Variants in TUBGCP5 observed in about 807,000 individuals in gnomAD.
TUBGCP5 encodes gamma-tubulin complex component 5.
Under a neutral mutation model 134.7 loss-of-function variants are expected in TUBGCP5, and 98 were observed. The observed-to-expected ratio is 0.73, with a 90% CI of 0.62 to 0.86. The LOEUF is 0.86. Ranked by LOEUF, TUBGCP5 falls within the 40% of genes least tolerant of loss-of-function variation. The pLI, the probability that TUBGCP5 is intolerant of heterozygous loss-of-function variation, is 0.00. For missense variants in TUBGCP5, 1,150 were observed against 1,244.8 expected, an observed-to-expected ratio of 0.92 and a Z score of 1.15; for synonymous variants, 456 against 431.4, an observed-to-expected ratio of 1.06 and a Z score of -0.71.
rs934212219 is a variant in TUBGCP5 at position 23,033,818 on chromosome 15, G to A, written c.310-994C>T. Among the ~76,000 whole-genome samples the A allele has an allele frequency of 2.0e-5, 3 of 152,036 alleles. No individual in the cohort carries two copies. In the East Asian group the frequency reaches 5.8e-4, roughly 29 times the overall value. ...ATTTATCTTATCTTATGAAATGGTA[G>A]GCACTTTTCCATAAGCTTAAAATTA... is the stretch of plus-strand genomic sequence containing the variant. On this transcript the variant is annotated intron_variant, in intron 3 of 22. Coordinates refer to ENST00000615383, the MANE Select transcript of TUBGCP5 (RefSeq NM_052903.6).
At chr15:22,997,027 G>A (rs2064116799), downstream of TUBGCP5, 2 of 152,044 alleles carry the variant, frequency 1.3e-5, no homozygotes, top group South Asian at 4.1e-4. Flanking sequence ...TCTGAACATA[G>A]TTACTTCTGG....
intron 13 of TUBGCP5, among the ~76,000 whole-genome samples, chr15:23,011,632 G>A (rs1207698769): frequency 6.7e-6 from 1 of 149,238 alleles, no homozygotes; most frequent in Admixed American, 6.7e-5. Flanking sequence ...AGCCTCCCAA[G>A]TAGCTGGGAT....
chr15:23,037,397 C>T (rs933017990), intron 1 of TUBGCP5, among the ~76,000 whole-genome samples: 2 of 152,168 alleles, frequency 1.3e-5, no homozygotes, highest in African/African-American at 4.8e-5. Context: ...CCTCTGGCTC[C>T]TCTGTCTTCC....
chr15:23,031,110 G>A, intron 5 of TUBGCP5, 90 bp from the exon 6 acceptor site: 4 of 1,339,364 alleles, frequency 3.0e-6, no homozygotes, highest in Non-Finnish European at 3.0e-6. Context: ...TTGAAGAAAA[G>A]CAAAAACTTT....
chr15:23,038,902 T>C lies in TUBGCP5; in HGVS notation c.146+496A>G, dbSNP rs138919037. 8.9e-3 allele frequency among the ~76,000 whole-genome samples: 1,351 copies of C among 151,938 alleles called. 13 individuals carry two copies. Among genetic ancestry groups the C allele is most frequent in the Middle Eastern group, 0.02 (6 of 294 alleles). The stretch of plus-strand genomic sequence containing the variant: ...TGCAGCATTCTAGCTGGAGTGGAAG[T>C]GGAGGAGACAGTAATGACAGGTTAA... On this transcript the variant is annotated intron_variant, in intron 1 of 22. Transcript: ENST00000615383.
intron 18 of TUBGCP5, 193 bp downstream of exon 18, chr15:23,005,859 G>A (rs1326203058): frequency 3.0e-6 from 2 of 667,770 alleles, no homozygotes; most frequent in African/African-American, 3.6e-5. Context: ...TTTCTTTCAG[G>A]CATTTGATGT....
intron 19 of TUBGCP5, 58 bp from the exon 20 acceptor site, chr15:23,004,285 G>A: frequency 6.3e-7 from 1 of 1,576,048 alleles, no homozygotes; most frequent in South Asian, 1.2e-5. Flanking sequence ...CTTGTGTGCT[G>A]CACACAAATC....
intron 20 of TUBGCP5, 24 bp downstream of exon 20, chr15:23,004,078 A>G (rs371753061): frequency 1.3e-5 from 20 of 1,594,630 alleles, no homozygotes; most frequent in Middle Eastern, 3.3e-4. Flanking sequence ...CAGTGGCCAC[A>G]TCTGCAGGAG....
chr15:23,030,600 T>TAAAAAAAAAA, intron 6 of TUBGCP5, among the ~76,000 whole-genome samples: 1 of 118,770 alleles, frequency 8.4e-6, no homozygotes, highest in East Asian at 2.4e-4. Flanking sequence ...CCTTCTCCAA[T>TAAAAAAAAAA]TAAAAAAAAA....
intron 21 of TUBGCP5, among the ~76,000 whole-genome samples, chr15:23,001,279 C>A (rs1798724333): frequency 6.8e-6 from 1 of 147,734 alleles, no homozygotes; most frequent in African/African-American, 2.5e-5. Context: ...CTGACCTCAG[C>A]TGATCTGCCC....
At chr15:22,984,614 G>GT (rs1233842056) in intron 23 of TUBGCP5, among the ~76,000 whole-genome samples, 1 of 142,192 alleles carries the variant, frequency 7.0e-6, no homozygotes, top group Admixed American at 6.9e-5. Context: ...GAGAGACTCC[G>GT]TGTTAAAAAA....
intron 4 of TUBGCP5, 53 bp from the exon 5 acceptor site, chr15:23,032,082 A>G: frequency 1.5e-6 from 2 of 1,357,616 alleles, no homozygotes; most frequent in Non-Finnish European, 2.1e-6. Flanking sequence ...TCTTTGAAAA[A>G]AAACCTCAAA....
At chr15:23,015,503 G>A (rs34154216) in intron 13 of TUBGCP5, among the ~76,000 whole-genome samples, 13,304 of 151,876 alleles carry the variant, frequency 0.088, 1,038 homozygotes, top group East Asian at 0.46. Flanking sequence ...TTAGCCAGGC[G>A]TGGTGGCACA....
chr15:23,038,474 A>G (rs1025423375), intron 1 of TUBGCP5, among the ~76,000 whole-genome samples: 3 of 151,212 alleles, frequency 2.0e-5, no homozygotes, highest in African/African-American at 7.4e-5. Context: ...GTTTATTTTT[A>G]TAAGTTACAC....
chr15:23,004,494 T>C (rs143778116), intron 19 of TUBGCP5: 3 of 406,472 alleles, frequency 7.4e-6, no homozygotes, highest in African/African-American at 6.3e-5. Flanking sequence ...ACAGACTTCC[T>C]GGCAGGAAGG....
At chr15:23,019,110 G>C in intron 12 of TUBGCP5, 109 bp downstream of exon 12, 3 of 716,098 alleles carry the variant, frequency 4.2e-6, no homozygotes, top group South Asian at 2.2e-5. Flanking sequence ...TCTGTGATGT[G>C]AACTGTGCTT....
chr15:22,992,708 C>T (rs1394565289), intron 23 of TUBGCP5, among the ~76,000 whole-genome samples: 1 of 151,990 alleles, frequency 6.6e-6, no homozygotes, highest in Admixed American at 6.6e-5. Context: ...CTGAAGAGGG[C>T]TTAAAAGAAA....
In TUBGCP5 at chr15:23,032,434, G is replaced by T. The variant is rs144340429; in HGVS notation, c.406+294C>A. Among the ~76,000 whole-genome samples, 946 of 152,172 alleles carry T rather than the reference G, an allele frequency of 6.2e-3. 11 individuals are homozygous for T. Among genetic ancestry groups the T allele is most frequent in the African/African-American group, 0.021 (877 of 41,520 alleles). ...TTATAATACCTAATATCATGTAAAT[G>T]CTATGTAAATAGTTTTTTAAAAGAT... On this transcript the variant is annotated intron_variant, in intron 4 of 22. Transcript: ENST00000615383.
At position 23,031,284 on chromosome 15, in the gene TUBGCP5, CCTT is replaced by C. The variant is rs2066294489; in HGVS notation, c.487-267_487-265del. On this transcript the variant is annotated intron_variant, in intron 5 of 22. Transcript: ENST00000615383. ...GGCAAAAAGTCCCAAGATCACAGGTCCTTAAGGGATACTTGTACTCACCCCTTT... is the reference window on the plus strand; with the variant it reads ...GGCAAAAAGTCCCAAGATCACAGGTCAAGGGATACTTGTACTCACCCCTTT... 1.3e-5 allele frequency among the ~76,000 whole-genome samples: 2 copies of C among 151,738 alleles called. 1 individual carries two copies. The highest frequency in any genetic ancestry group is 2.9e-5 in the Non-Finnish European group (2 of 67,972).
Sources: allele counts gnomAD v4.1 joint callset (sites outside exome capture counted in the v4.1 genomes callset), GRCh38; gene constraint gnomAD v4.1.1; transcripts MANE v1.5; gene names NCBI Gene and HGNC (gene_info 2026-07-23, HGNC 2026-07-21).